Variants in PKIG observed in about 807,000 individuals in gnomAD.
PKIG encodes protein kinase (cAMP-dependent, catalytic) inhibitor gamma.
Under a neutral mutation model 6.8 loss-of-function variants are expected in PKIG, and 1 was observed. The ratio of observed to expected loss-of-function variants is 0.15; its 90% CI spans 0.05 to 0.69. The LOEUF (loss-of-function observed/expected upper bound fraction) is 0.69. Among genes scored for constraint, PKIG ranks in the 30% least tolerant of loss-of-function variants. The probability of loss-of-function intolerance (pLI) is 0.82; values close to 1 mark genes in which losing one functional copy is unlikely to be tolerated. For synonymous variants in PKIG, 39 were observed against 43.0 expected, an observed-to-expected ratio of 0.91 and a Z score of 0.36; for missense variants, 77 against 104.0, an observed-to-expected ratio of 0.74 and a Z score of 1.13.
chr20:44,537,481 G>T (rs1399999808), intron 1 of PKIG, among the ~76,000 whole-genome samples: 1 of 151,806 alleles, frequency 6.6e-6, no homozygotes, highest in Non-Finnish European at 1.5e-5. Context: ...TGATCTGCCT[G>T]CCTCGGCCTC....
chr20:44,604,771 C>CA (rs2065149701), intron 2 of PKIG, among the ~76,000 whole-genome samples: 1 of 152,156 alleles, frequency 6.6e-6, no homozygotes, highest in South Asian at 2.1e-4. Context: ...GGCAGCTGGG[C>CA]CAGCCCTTTG....
intron 2 of PKIG, among the ~76,000 whole-genome samples, chr20:44,610,485 TTCTCTC>T (rs1555841159): frequency 7.7e-6 from 1 of 129,288 alleles, no homozygotes; most frequent in Non-Finnish European, 1.7e-5. Flanking sequence ...TCTCTCTCTC[TTCTCTC>T]TCTCTCTCTC....
At chr20:44,581,969 G>A (rs2064951980), upstream of PKIG, among the ~76,000 whole-genome samples, 1 of 152,214 alleles carries the variant, frequency 6.6e-6, no homozygotes, top group South Asian at 2.1e-4. Context: ...AGAGAGGGAT[G>A]TGACTTGCTT....
At chr20:44,552,782 A>G in intron 1 of PKIG, among the ~76,000 whole-genome samples, 1 of 152,028 alleles carries the variant, frequency 6.6e-6, no homozygotes, top group East Asian at 1.9e-4. Context: ...ATTGTAAGGG[A>G]GGTTCAGTCA....
chr20:44,601,309 C>T (rs2065119671), intron 2 of PKIG, among the ~76,000 whole-genome samples: 1 of 152,254 alleles, frequency 6.6e-6, no homozygotes, highest in Non-Finnish European at 1.5e-5. Context: ...CAAACAAAGC[C>T]TCACCCAGGG....
intron 2 of PKIG, among the ~76,000 whole-genome samples, chr20:44,603,440 G>A (rs528632673): frequency 1.3e-5 from 2 of 152,188 alleles, no homozygotes; most frequent in South Asian, 2.1e-4. Flanking sequence ...AGTTGTGCAC[G>A]GCCCACAGCT....
chr20:44,587,951 G>A (rs1395880233), intron 1 of PKIG, among the ~76,000 whole-genome samples: 1 of 152,172 alleles, frequency 6.6e-6, no homozygotes, highest in Non-Finnish European at 1.5e-5. Flanking sequence ...TATGTGTTAG[G>A]CATTATGCAA....
At chr20:44,603,774 C>T (rs1419404064) in intron 2 of PKIG, among the ~76,000 whole-genome samples, 1 of 152,186 alleles carries the variant, frequency 6.6e-6, no homozygotes, top group Non-Finnish European at 1.5e-5. Flanking sequence ...TCAAAGCTGT[C>T]TCCCTGCTGG....
At chr20:44,568,545 G>C (rs2064828999) in intron 1 of PKIG, among the ~76,000 whole-genome samples, 1 of 152,020 alleles carries the variant, frequency 6.6e-6, no homozygotes. Context: ...CTGCCGCCTG[G>C]TTTCAAGTGA....
intron 2 of PKIG, among the ~76,000 whole-genome samples, chr20:44,590,230 C>CAGGA (rs2123382702): frequency 6.6e-6 from 1 of 152,264 alleles, no homozygotes; most frequent in South Asian, 2.1e-4. Context: ...TCCTCTCCAC[C>CAGGA]AAGTGTTTGC....
chr20:44,608,413 G>A (rs563192369), intron 2 of PKIG, among the ~76,000 whole-genome samples: 4 of 152,254 alleles, frequency 2.6e-5, no homozygotes, highest in Admixed American at 6.5e-5. Flanking sequence ...AATTAGTTAA[G>A]TATGTATATA....
intron 1 of PKIG, among the ~76,000 whole-genome samples, chr20:44,556,930 A>G (rs967215900): frequency 6.6e-6 from 1 of 152,154 alleles, no homozygotes; most frequent in African/African-American, 2.4e-5. Context: ...AAAGTCTCCA[A>G]TTTGTCAAGC....
chr20:44,556,224 G>T (rs2064711868), intron 1 of PKIG, among the ~76,000 whole-genome samples: 1 of 152,006 alleles, frequency 6.6e-6, no homozygotes, highest in African/African-American at 2.4e-5. Flanking sequence ...TTTATTTTCT[G>T]TTCTCATTTA....
In PKIG at chr20:44,595,086, G is replaced by A. The variant is rs191367706; in HGVS notation, c.-24+5220G>A. ...TTTTAGGAAGGCTTCTGTTCCAGCT[G>A]TGCTGGGAGAGTTGAGGTCCAGAGC... is the stretch of plus-strand genomic sequence containing the variant. On this transcript the variant is annotated intron_variant, in intron 2 of 3. Coordinates refer to ENST00000372886, the MANE Select transcript of PKIG (RefSeq NM_001281445.2). Among the ~76,000 whole-genome samples the A allele has an allele frequency of 5.3e-4, 81 of 152,328 alleles. No individual in the cohort carries two copies. In the East Asian group the frequency reaches 0.015, roughly 29 times the overall value.
At chr20:44,602,258 C>G (rs550574933) in intron 2 of PKIG, among the ~76,000 whole-genome samples, 1 of 152,302 alleles carries the variant, frequency 6.6e-6, no homozygotes, top group East Asian at 1.9e-4. Flanking sequence ...CCCTCTCTAT[C>G]CAACTTTTCT....
chr20:44,607,838 C>T (rs534490782), intron 2 of PKIG, among the ~76,000 whole-genome samples: 1 of 152,046 alleles, frequency 6.6e-6, no homozygotes, highest in East Asian at 1.9e-4. Flanking sequence ...GCGCCCACTA[C>T]CACGCCCAGC....
intron 2 of PKIG, among the ~76,000 whole-genome samples, chr20:44,607,754 G>A (rs532118623): frequency 2.0e-5 from 3 of 148,182 alleles, no homozygotes; most frequent in African/African-American, 7.5e-5. Flanking sequence ...GCACGATCTC[G>A]GCTCACTGCA....
chr20:44,567,137 G>A (rs1261414513), intron 1 of PKIG, among the ~76,000 whole-genome samples: 1 of 152,222 alleles, frequency 6.6e-6, no homozygotes, highest in Non-Finnish European at 1.5e-5. Flanking sequence ...TAGAGGGCCA[G>A]ATAACAGATC....
chr20:44,577,441 TTGTTTTAAG>T lies in PKIG; in HGVS notation c.-240-5140_-240-5132del, dbSNP rs999284081. 2.1e-4 allele frequency among the ~76,000 whole-genome samples: 32 copies of T among 152,126 alleles called. 1 individual carries two copies. The highest frequency in any genetic ancestry group is 7.5e-4 in the African/African-American group (31 of 41,424). ...CAGCCACCGTGCTTGACCAAGAACA[TTGTTTTAAG>T]TGTAAGTGTGGTTCCTTCTCTGGGG... On this transcript the variant is annotated intron_variant, in intron 1 of 4. Transcript: ENST00000372887.
Sources: gnomAD v4.1 joint callset for allele counts (sites outside exome capture counted in the v4.1 genomes callset) on GRCh38, gnomAD v4.1.1 for gene constraint, MANE v1.5 for transcripts, NCBI Gene and HGNC (gene_info 2026-07-23, HGNC 2026-07-21) for gene names.